Variants in SLCO3A1 observed in about 807,000 individuals in gnomAD.
SLCO3A1 encodes the protein solute carrier organic anion transporter family member 3A1.
Under a neutral mutation model 63.1 loss-of-function variants are expected in SLCO3A1, and 27 were observed. The observed-to-expected ratio is 0.43, with a 90% CI of 0.32 to 0.59. The LOEUF is 0.59. Among genes scored for constraint, SLCO3A1 ranks in the 20% least tolerant of loss-of-function variants. The probability of loss-of-function intolerance (pLI) is 0.09; values close to 1 mark genes in which losing one functional copy is unlikely to be tolerated. For missense variants in SLCO3A1, 773 were observed against 945.8 expected (o/e 0.82, Z 2.40); for synonymous variants, 473 against 409.9 (o/e 1.15, Z -1.86).
intron 2 of SLCO3A1, among the ~76,000 whole-genome samples, chr15:91,994,513 C>G (rs1225750319): frequency 6.6e-6 from 1 of 152,164 alleles, no homozygotes; most frequent in Non-Finnish European, 1.5e-5. Flanking sequence ...ATGCCCTCAG[C>G]AGCTACGTTG....
At chr15:92,098,755 T>C (rs1472879506) in intron 3 of SLCO3A1, among the ~76,000 whole-genome samples, 1 of 152,030 alleles carries the variant, frequency 6.6e-6, no homozygotes, top group Non-Finnish European at 1.5e-5. Context: ...CAGACTCCAT[T>C]TGAATCCTGA....
In SLCO3A1 at chr15:91,916,099, T is replaced by G. The variant is rs1898646431; in HGVS notation, c.287T>G (p.Val96Gly). 6.2e-7 allele frequency: 1 copy of G among 1,612,604 alleles called. No individual in the cohort carries two copies. The highest frequency in any genetic ancestry group is 8.5e-7 in the Non-Finnish European group (1 of 1,179,806). ...EIGNLALILF[V>G]SYFGARGHRP... ...GGGAACCTGGCGCTCATCCTCTTCG[T>G]GAGCTACTTCGGGGCACGCGGGCAC... Residue 96 changes from valine to glycine, a missense_variant, in exon 2 of 10, where the codon GTG becomes GGG. Physicochemically the swap from Val to Gly is moderately radical, Grantham distance 109 (BLOSUM62 -3). Transcript: ENST00000318445. The surrounding 1 kb of genome is among the most constrained non-coding windows in gnomAD (Gnocchi z 6.2).
intron 2 of SLCO3A1, among the ~76,000 whole-genome samples, chr15:91,970,781 G>A (rs1053104864): frequency 5.3e-5 from 8 of 152,100 alleles, no homozygotes; most frequent in Admixed American, 2.0e-4. Context: ...TCTGACAGGC[G>A]GCAGTCTTCT....
intron 1 of SLCO3A1, among the ~76,000 whole-genome samples, chr15:91,915,013 C>A (rs1216316020): frequency 1.3e-5 from 2 of 152,148 alleles, no homozygotes; most frequent in Non-Finnish European, 2.9e-5. Flanking sequence ...TTGTCTTGCT[C>A]ACAGCACCCT....
intron 1 of SLCO3A1, among the ~76,000 whole-genome samples, chr15:91,878,083 GC>G (rs1409165208): frequency 6.9e-4 from 100 of 145,956 alleles, no homozygotes; most frequent in African/African-American, 2.4e-3. Context: ...AGGGATTTAG[GC>G]CTTTTTTTTT....
chr15:92,097,764 C>T (rs928445300), intron 3 of SLCO3A1, among the ~76,000 whole-genome samples: 1 of 152,142 alleles, frequency 6.6e-6, no homozygotes, highest in Admixed American at 6.5e-5. Context: ...AGCTCTTTAC[C>T]GGTAGAGGGC....
chr15:92,164,066 A>T lies in SLCO3A1; in HGVS notation c.*931A>T. ...AAAAAATACAATCCATATGAATTTC[A>T]AACTGTTGTATGTATAATCCTCTAA... On this transcript the variant is annotated 3_prime_UTR_variant, in exon 10 of 10. Coordinates refer to ENST00000318445, the MANE Select transcript of SLCO3A1 (RefSeq NM_013272.4). 1 of 982,342 alleles carries T rather than the reference A, an allele frequency of 1.0e-6. No homozygotes were observed. Among genetic ancestry groups the T allele is most frequent in the Non-Finnish European group, 1.2e-6 (1 of 827,082 alleles). 60.9% of individuals were successfully genotyped at this position (982,342 alleles called of 1,614,324 possible).
intron 2 of SLCO3A1, among the ~76,000 whole-genome samples, chr15:91,987,663 G>T (rs1412718853): frequency 6.6e-6 from 1 of 151,202 alleles, no homozygotes; most frequent in Admixed American, 6.6e-5. Flanking sequence ...GGAGTTGCTT[G>T]AACCCAGGAG....
chr15:91,926,599 G>GCGCGCA (rs1555450150), intron 2 of SLCO3A1, among the ~76,000 whole-genome samples: 31,114 of 145,112 alleles, frequency 0.21, 3,697 homozygotes, highest in Non-Finnish European at 0.25. Flanking sequence ...GTGTGTGTGC[G>GCGCGCA]CGCGCGCACG....
intron 2 of SLCO3A1, among the ~76,000 whole-genome samples, chr15:92,018,034 G>C (rs2046461277): frequency 6.6e-6 from 1 of 152,194 alleles, no homozygotes; most frequent in Admixed American, 6.5e-5. Context: ...CCAGCGATGA[G>C]ATGACAGAGA....
rs540909002 is a variant in SLCO3A1 at position 92,171,487 on chromosome 15, T to C, written c.1997-293T>C. 39 of 311,618 alleles carry C rather than the reference T, an allele frequency of 1.3e-4. No individual in the cohort carries two copies. The South Asian group carries it at 1.9e-3, about 15-fold the overall frequency. 19.3% of individuals were successfully genotyped at this position (311,618 alleles called of 1,614,324 possible). ...TTTACATAAGATAAGGATAAATTAT[T>C]GACTGGGATACATCTTACTCATCCC... On this transcript the variant is annotated intron_variant, in intron 10 of 10. Coordinates refer to the SLCO3A1 transcript ENST00000424469.
intron 2 of SLCO3A1, among the ~76,000 whole-genome samples, chr15:91,995,255 C>T (rs2046177083): frequency 6.6e-6 from 1 of 152,156 alleles, no homozygotes; most frequent in Admixed American, 6.5e-5. Context: ...GTTCAAATCC[C>T]ACTGCCAGTG....
intron 2 of SLCO3A1, among the ~76,000 whole-genome samples, chr15:92,049,529 A>C (rs2046931712): frequency 6.6e-6 from 1 of 152,142 alleles, no homozygotes; most frequent in South Asian, 2.1e-4. Context: ...GATTTTACCA[A>C]CCAGTGCCTA....
At chr15:91,932,968 T>C (rs111926925) in intron 2 of SLCO3A1, among the ~76,000 whole-genome samples, 44 of 152,280 alleles carry the variant, frequency 2.9e-4, no homozygotes, top group East Asian at 9.7e-4. Flanking sequence ...ATATTTAAAT[T>C]CCATCATTAC....
chr15:92,130,839 C>T (rs1485185720), intron 7 of SLCO3A1, among the ~76,000 whole-genome samples: 2 of 150,478 alleles, frequency 1.3e-5, no homozygotes, highest in Admixed American at 6.6e-5. Flanking sequence ...TGTACTCCCT[C>T]CCTCGCCCCC....
At position 91,957,126 on chromosome 15, in the gene SLCO3A1, A is replaced by ATATATAG. The variant is rs1597156531; in HGVS notation, c.646+40674_646+40675insGTATATA. ...AATATATATATATATAATATATATA[A>ATATATAG]TATATATACTATATATTATAATATA... is the stretch of plus-strand genomic sequence containing the variant. On this transcript the variant is annotated intron_variant, in intron 2 of 9. Transcript: ENST00000318445. Among the ~76,000 whole-genome samples, 52 of 13,854 alleles carry ATATATAG rather than the reference A, an allele frequency of 3.8e-3. 12 individuals carry two copies. Among genetic ancestry groups the ATATATAG allele is most frequent in the Non-Finnish European group, 4.6e-3 (44 of 9,662 alleles). The allele number at this position is 13,854 out of a possible 152,430, so 9.1% of individuals were successfully genotyped here. A position where few individuals can be genotyped will look rare whatever the true frequency, so the allele number is the denominator to read the frequency against.
At position 92,143,470 on chromosome 15, in the gene SLCO3A1, ATATAT is replaced by A. The variant is rs1341377276; in HGVS notation, c.1513-3513_1513-3509del. On this transcript the variant is annotated intron_variant, in intron 7 of 9. Coordinates refer to ENST00000318445, the MANE Select transcript of SLCO3A1 (RefSeq NM_013272.4). ...TATATAATATATATAATATATATAA[ATATAT>A]ATATATATTATATATATGTATATAA... Among the ~76,000 whole-genome samples, 8 of 24,968 alleles carry A rather than the reference ATATAT, an allele frequency of 3.2e-4. 3 individuals carry two copies. Among genetic ancestry groups the A allele is most frequent in the African/African-American group, 1.6e-3 (8 of 5,102 alleles). 16.4% of individuals were successfully genotyped at this position (24,968 alleles called of 152,430 possible). A position where few individuals can be genotyped will look rare whatever the true frequency, so the allele number is the denominator to read the frequency against.
At chr15:91,895,740 G>A (rs1597098566) in intron 1 of SLCO3A1, among the ~76,000 whole-genome samples, 1 of 152,218 alleles carries the variant, frequency 6.6e-6, no homozygotes, top group Non-Finnish European at 1.5e-5. Flanking sequence ...CACCAAGCGT[G>A]CACTCTAGCT....
At chr15:91,998,886 G>T (rs1160862182) in intron 2 of SLCO3A1, among the ~76,000 whole-genome samples, 1 of 152,208 alleles carries the variant, frequency 6.6e-6, no homozygotes. Context: ...CATGGACTCA[G>T]CCTAGGTGCC....
Sources: allele counts gnomAD v4.1 joint callset (sites outside exome capture counted in the v4.1 genomes callset), GRCh38; gene constraint gnomAD v4.1.1; non-coding constraint Gnocchi (gnomAD v3.1); transcripts MANE v1.5; gene names NCBI Gene and HGNC (gene_info 2026-07-23, HGNC 2026-07-21).